Variants in GALNT17 observed in about 807,000 individuals in gnomAD.
GALNT17 encodes UDP-GalNAc:polypeptide N-acetylgalactosaminyltransferase-like 3.
A neutral mutation model predicts 63.7 loss-of-function variants in GALNT17; 29 were observed. The observed-to-expected ratio is 0.46, with a 90% CI of 0.34 to 0.62. GALNT17 has a LOEUF of 0.62. Ranked by LOEUF, GALNT17 falls within the 20% of genes least tolerant of loss-of-function variation. GALNT17 has a pLI of 0.01. For synonymous variants in GALNT17, 305 were observed against 318.3 expected (o/e 0.96, Z 0.45); for missense variants, 603 against 799.6 (o/e 0.75, Z 2.97).
intron 1 of GALNT17, among the ~76,000 whole-genome samples, chr7:71,217,799 G>A (rs975664732): frequency 6.6e-6 from 1 of 151,916 alleles, no homozygotes; most frequent in Non-Finnish European, 1.5e-5. Flanking sequence ...ATGGTAGCAG[G>A]TGCCTGTAGT....
At chr7:71,694,619 C>T (rs1057220806) in intron 9 of GALNT17, among the ~76,000 whole-genome samples, 3 of 152,312 alleles carry the variant, frequency 2.0e-5, no homozygotes, top group South Asian at 2.1e-4. Flanking sequence ...TGGTCTCAAA[C>T]TTCTGACCTC....
intron 6 of GALNT17, among the ~76,000 whole-genome samples, chr7:71,621,532 TGG>T (rs1790291703): frequency 9.5e-6 from 1 of 105,220 alleles, no homozygotes; most frequent in Non-Finnish European, 2.0e-5. Context: ...GATGGATGGA[TGG>T]ATTGATGGAT....
chr7:71,356,939 G>C (rs1284682930), intron 2 of GALNT17, among the ~76,000 whole-genome samples: 8 of 151,956 alleles, frequency 5.3e-5, no homozygotes, highest in African/African-American at 1.9e-4. Context: ...GCACCACCAT[G>C]CCTGGCTAAT....
chr7:71,223,968 T>C (rs977641229), intron 1 of GALNT17, among the ~76,000 whole-genome samples: 1 of 152,234 alleles, frequency 6.6e-6, no homozygotes, highest in Non-Finnish European at 1.5e-5. Context: ...TTGTCATTGA[T>C]AGGCATTTAG....
Position 71,680,706 on chromosome 7 carries a change from C to CTT in GALNT17, c.1500+3401_1500+3402dup, listed in dbSNP as rs1251436481. On this transcript the variant is annotated intron_variant, in intron 9 of 10. Transcript: ENST00000333538. Reference sequence around the variant, plus strand: ...GTTTCCTTTCCTTTCCTTTCTTTTCCTTCCTTCCTTCCTCCCTCTCTCCCT... The same window carrying CTT: ...GTTTCCTTTCCTTTCCTTTCTTTTCCTTTTCCTTCCTTCCTCCCTCTCTCCCT... Among the ~76,000 whole-genome samples the CTT allele has an allele frequency of 3.2e-4, 7 of 21,644 alleles. 3 individuals carry two copies. The highest frequency in any genetic ancestry group is 8.1e-3 in the South Asian group (2 of 248). The allele number at this position is 21,644 out of a possible 152,430, so 14.2% of individuals were successfully genotyped here. A position where few individuals can be genotyped will look rare whatever the true frequency, so the allele number is the denominator to read the frequency against.
At chr7:71,297,063 TC>T (rs1474468969) in intron 1 of GALNT17, among the ~76,000 whole-genome samples, 3 of 152,224 alleles carry the variant, frequency 2.0e-5, no homozygotes, top group African/African-American at 7.2e-5. Flanking sequence ...TTAAGCCTTT[TC>T]TTAAGCACAC....
chr7:71,219,007 A>G (rs1789535381), intron 1 of GALNT17, among the ~76,000 whole-genome samples: 2 of 152,164 alleles, frequency 1.3e-5, no homozygotes, highest in African/African-American at 2.4e-5. Flanking sequence ...ATTATCTTCT[A>G]TGAAACTTGT....
In GALNT17 at chr7:71,710,755, C is replaced by T. The variant is rs759575556; in HGVS notation, c.1501-6C>T. ...CCATTCCCCTGCTGCTCTGGTCTCT[C>T]GACAGCTTGCCCGCTACACCAAGGA... On this transcript the variant is annotated splice_polypyrimidine_tract_variant and splice_region_variant and intron_variant, in intron 9 of 10. Coordinates refer to ENST00000333538, the MANE Select transcript of GALNT17 (RefSeq NM_022479.3). 1.3e-5 allele frequency: 21 copies of T among 1,611,362 alleles called. No individual in the cohort carries two copies. In the South Asian group the frequency reaches 1.4e-4, roughly 11 times the overall value.
chr7:71,526,242 G>T (rs888129086), intron 5 of GALNT17, among the ~76,000 whole-genome samples: 2 of 152,066 alleles, frequency 1.3e-5, no homozygotes, highest in Non-Finnish European at 2.9e-5. Context: ...TGCCGCTTAC[G>T]CACAGGACCA....
intron 5 of GALNT17, among the ~76,000 whole-genome samples, chr7:71,495,221 A>G (rs1788075819): frequency 6.6e-6 from 1 of 152,124 alleles, no homozygotes; most frequent in Non-Finnish European, 1.5e-5. Flanking sequence ...GGCTGCAGTG[A>G]GCTGAGACTG....
At chr7:71,147,843 G>A (rs1239579392) in intron 1 of GALNT17, among the ~76,000 whole-genome samples, 1 of 152,016 alleles carries the variant, frequency 6.6e-6, no homozygotes, top group Non-Finnish European at 1.5e-5. Flanking sequence ...ATGTTGGCCA[G>A]GCTGGTCTCA....
chr7:71,442,450 C>T (rs546932193), intron 5 of GALNT17, among the ~76,000 whole-genome samples: 3 of 152,264 alleles, frequency 2.0e-5, no homozygotes, highest in East Asian at 1.9e-4. Context: ...CTGCCTGCCT[C>T]GGCCTCCCAA....
At chr7:71,177,946 A>G (rs1485819384) in intron 1 of GALNT17, among the ~76,000 whole-genome samples, 1 of 152,130 alleles carries the variant, frequency 6.6e-6, no homozygotes, top group Non-Finnish European at 1.5e-5. Flanking sequence ...CTAAATGTGT[A>G]TATTTTTCCT....
rs1335834220 is a variant in GALNT17 at position 71,710,832 on chromosome 7, C to T, written c.1572C>T (p.Thr524=). The change falls in exon 10 of 11, where the codon ACC becomes ACT. Residue 524 remains threonine, a synonymous_variant. Transcript: ENST00000333538. ...ALGTTTLLPD[T]RCLVDNSKSR... Reference sequence around the variant, plus strand: ...GGACCACCACACTCCTCCCTGACACCCGCTGCCTGGTGGACAACTCCAAGA... The same window carrying T: ...GGACCACCACACTCCTCCCTGACACTCGCTGCCTGGTGGACAACTCCAAGA... 6 of 1,613,834 alleles carry T rather than the reference C, an allele frequency of 3.7e-6. No individual in the cohort carries two copies. Among genetic ancestry groups the T allele is most frequent in the Non-Finnish European group, 5.1e-6 (6 of 1,179,976 alleles).
chr7:71,489,323 C>G (rs570537193), intron 5 of GALNT17, among the ~76,000 whole-genome samples: 1 of 152,148 alleles, frequency 6.6e-6, no homozygotes, highest in East Asian at 1.9e-4. Flanking sequence ...TTCATTCACA[C>G]CCAGCTCTTA....
At chr7:71,615,643 A>AT (rs1308828553) in intron 6 of GALNT17, among the ~76,000 whole-genome samples, 1 of 151,770 alleles carries the variant, frequency 6.6e-6, no homozygotes, top group Non-Finnish European at 1.5e-5. Context: ...CGCCCTGCTA[A>AT]TTTTTTGTAT....
chr7:71,662,417 G>A (rs1321348916), intron 6 of GALNT17, among the ~76,000 whole-genome samples: 6 of 151,438 alleles, frequency 4.0e-5, no homozygotes, highest in Non-Finnish European at 7.4e-5. Context: ...ATTATAATTC[G>A]TCCATTTAAA....
intron 1 of GALNT17, among the ~76,000 whole-genome samples, chr7:71,191,820 A>G (rs1320274994): frequency 3.3e-5 from 5 of 152,152 alleles, no homozygotes; most frequent in Non-Finnish European, 1.5e-5. Flanking sequence ...GTCATAGGAT[A>G]TGTATTACTC....
At chr7:71,482,079 A>ATTTGTGTG (rs371371505) in intron 5 of GALNT17, among the ~76,000 whole-genome samples, 1 of 136,804 alleles carries the variant, frequency 7.3e-6, no homozygotes, top group South Asian at 2.5e-4. Context: ...ACATATATGT[A>ATTTGTGTG]TATGTGTGTG....
Sources: allele counts gnomAD v4.1 joint callset (sites outside exome capture counted in the v4.1 genomes callset), GRCh38; gene constraint gnomAD v4.1.1; transcripts MANE v1.5; gene names NCBI Gene and HGNC (gene_info 2026-07-23, HGNC 2026-07-21).